GABRB1: variants seen among roughly 807,000 people sequenced by gnomAD.
GABRB1 encodes gamma-aminobutyric acid receptor subunit beta-1.
Under a neutral mutation model 51.6 loss-of-function variants are expected in GABRB1, and 17 were observed. The observed-to-expected ratio is 0.33, with a 90% CI of 0.23 to 0.49. GABRB1 has a LOEUF of 0.49. Ranked by LOEUF, GABRB1 falls within the 20% of genes least tolerant of loss-of-function variation. The probability of loss-of-function intolerance (pLI) is 0.99; values close to 1 mark genes in which losing one functional copy is unlikely to be tolerated. For synonymous variants in GABRB1, 247 were observed against 218.9 expected, an observed-to-expected ratio of 1.13 and a Z score of -1.14; for missense variants, 410 against 600.6, an observed-to-expected ratio of 0.68 and a Z score of 3.32.
chr4:47,194,457 G>C (rs1173218761), intron 4 of GABRB1, among the ~76,000 whole-genome samples: 1 of 152,004 alleles, frequency 6.6e-6, no homozygotes, highest in Non-Finnish European at 1.5e-5. Flanking sequence ...AGCTGTCTTT[G>C]GGGGTTATAT....
chr4:47,373,999 T>C (rs1329225196), intron 5 of GABRB1, among the ~76,000 whole-genome samples: 1 of 152,160 alleles, frequency 6.6e-6, no homozygotes, highest in African/African-American at 2.4e-5. Flanking sequence ...AAATCAGCAG[T>C]TTATTAATCA....
At chr4:47,192,965 G>A (rs1382992061) in intron 4 of GABRB1, among the ~76,000 whole-genome samples, 1 of 152,126 alleles carries the variant, frequency 6.6e-6, no homozygotes, top group Non-Finnish European at 1.5e-5. Context: ...AAGTTCACTT[G>A]GTTAAGAAAT....
intron 3 of GABRB1, among the ~76,000 whole-genome samples, chr4:47,071,049 G>A (rs1209279866): frequency 1.3e-5 from 2 of 152,172 alleles, no homozygotes; most frequent in South Asian, 4.1e-4. Context: ...TCAGCAAGAA[G>A]CAACACCATT....
chr4:47,256,011 A>T (rs974162941), intron 4 of GABRB1, among the ~76,000 whole-genome samples: 4 of 152,210 alleles, frequency 2.6e-5, no homozygotes, highest in Admixed American at 6.5e-5. Flanking sequence ...ATTTAGTCCG[A>T]GGCCCAGTTT....
chr4:47,000,737 G>T (rs1472777718), intron 1 of GABRB1, among the ~76,000 whole-genome samples: 1 of 152,116 alleles, frequency 6.6e-6, no homozygotes, highest in Non-Finnish European at 1.5e-5. Context: ...TAGCCAGCTT[G>T]GATTTCCACA....
chr4:47,239,483 GA>G (rs890615816), intron 4 of GABRB1, among the ~76,000 whole-genome samples: 6 of 152,006 alleles, frequency 3.9e-5, no homozygotes, highest in Admixed American at 3.9e-4. Flanking sequence ...TGTTTTTAGA[GA>G]AAAAAATGTA....
At chr4:47,081,636 C>A (rs2109567809) in intron 3 of GABRB1, among the ~76,000 whole-genome samples, 1 of 152,176 alleles carries the variant, frequency 6.6e-6, no homozygotes, top group East Asian at 1.9e-4. Context: ...ATGGTTGGTT[C>A]ATCTTAATGT....
At chr4:47,031,306 T>TAA, upstream of GABRB1, 6 of 278,780 alleles carry the variant, frequency 2.2e-5, no homozygotes, top group African/African-American at 8.9e-5. Flanking sequence ...GAGCGCCCAG[T>TAA]AAAAAAAACA....
intron 4 of GABRB1, among the ~76,000 whole-genome samples, chr4:47,246,303 C>T (rs538965003): frequency 0.054 from 3,656 of 67,448 alleles, 171 homozygotes; most frequent in Non-Finnish European, 0.068. Context: ...TATATATACA[C>T]ACACACACAC....
chr4:47,259,148 C>A (rs1209395730), intron 4 of GABRB1, among the ~76,000 whole-genome samples: 1 of 152,066 alleles, frequency 6.6e-6, no homozygotes, highest in African/African-American at 2.4e-5. Flanking sequence ...GAGAGAGCCC[C>A]ATTTAACAAT....
At chr4:47,293,019 T>A (rs752779471) in intron 4 of GABRB1, among the ~76,000 whole-genome samples, 10 of 152,226 alleles carry the variant, frequency 6.6e-5, no homozygotes, top group Non-Finnish European at 1.5e-4. Context: ...AATATTTATA[T>A]CAATAACATT....
chr4:47,001,288 G>A (rs552747745), intron 1 of GABRB1, among the ~76,000 whole-genome samples: 52 of 151,822 alleles, frequency 3.4e-4, no homozygotes, highest in South Asian at 2.1e-4. Flanking sequence ...GACTACAGGC[G>A]CCCCCCACCA....
chr4:47,057,351 A>G (rs1292211066), intron 3 of GABRB1, among the ~76,000 whole-genome samples: 1 of 152,232 alleles, frequency 6.6e-6, no homozygotes, highest in East Asian at 1.9e-4. Flanking sequence ...AATGTGATTC[A>G]TTGAATTTTG....
At chr4:47,168,394 T>C (rs965162576) in intron 4 of GABRB1, among the ~76,000 whole-genome samples, 2 of 152,196 alleles carry the variant, frequency 1.3e-5, no homozygotes, top group Non-Finnish European at 2.9e-5. Flanking sequence ...AACATTCACA[T>C]CTCTTTTACT....
intron 8 of GABRB1, among the ~76,000 whole-genome samples, chr4:47,420,943 A>AC (rs1729073225): frequency 1.8e-4 from 26 of 140,964 alleles, no homozygotes; most frequent in African/African-American, 4.4e-4. Context: ...TACACACACA[A>AC]ACACACACAC....
chr4:47,020,191 TCTTTTTATAA>T (rs1368735416), intron 1 of GABRB1, among the ~76,000 whole-genome samples: 1 of 152,112 alleles, frequency 6.6e-6, no homozygotes, highest in Non-Finnish European at 1.5e-5. Context: ...TGGTGTCTCC[TCTTTTTATAA>T]AGACATCAAT....
intron 5 of GABRB1, among the ~76,000 whole-genome samples, chr4:47,389,345 C>T (rs1364317682): frequency 6.6e-6 from 1 of 152,206 alleles, no homozygotes; most frequent in East Asian, 1.9e-4. Context: ...TTGTGACCTT[C>T]TAGGTGCATG....
Position 47,159,344 on chromosome 4 carries a change from G to T in GABRB1, c.241-1905G>T, listed in dbSNP as rs147424225. On this transcript the variant is annotated intron_variant, in intron 3 of 8. Coordinates refer to ENST00000295454, the MANE Select transcript of GABRB1 (RefSeq NM_000812.4). ...AGGTGCAAGAGATTATGTCATTCACGCATAATTAGGCTTACATGTGGTAGA... is the reference window on the plus strand; with the variant it reads ...AGGTGCAAGAGATTATGTCATTCACTCATAATTAGGCTTACATGTGGTAGA... Among the ~76,000 whole-genome samples, 61 of 152,094 alleles carry T rather than the reference G, an allele frequency of 4.0e-4. 1 individual carries two copies. The highest frequency in any genetic ancestry group is 1.5e-3 in the African/African-American group (61 of 41,532).
At chr4:47,114,135 G>C (rs1368087106) in intron 3 of GABRB1, among the ~76,000 whole-genome samples, 1 of 152,142 alleles carries the variant, frequency 6.6e-6, no homozygotes, top group Non-Finnish European at 1.5e-5. Flanking sequence ...CGTTATTCCC[G>C]ACCATCTACT....
Sources: gnomAD v4.1 joint callset for allele counts (sites outside exome capture counted in the v4.1 genomes callset) on GRCh38, gnomAD v4.1.1 for gene constraint, MANE v1.5 for transcripts, NCBI Gene and HGNC (gene_info 2026-07-23, HGNC 2026-07-21) for gene names.